Variants in DGKB observed in about 807,000 individuals in gnomAD.
DGKB encodes diacylglycerol kinase beta, also known as 90 kDa diacylglycerol kinase.
DGKB carries 67 observed loss-of-function variants against 114.3 expected under a neutral mutation model. The observed-to-expected ratio is 0.59, with a 90% CI of 0.48 to 0.72. The LOEUF is 0.72. Ranked by LOEUF, DGKB falls within the 30% of genes least tolerant of loss-of-function variation. The pLI is 0.00. For synonymous variants in DGKB, 398 were observed against 323.1 expected (o/e 1.23, Z -2.49); for missense variants, 907 against 975.2 (o/e 0.93, Z 0.93).
At chr7:14,228,944 A>C (rs1056355271) in intron 23 of DGKB, among the ~76,000 whole-genome samples, 10 of 149,848 alleles carry the variant, frequency 6.7e-5, no homozygotes, top group Admixed American at 3.5e-4. Context: ...ATAATGAATT[A>C]AGAATAGCAT....
At chr7:14,521,935 A>G (rs1439884806) in intron 20 of DGKB, among the ~76,000 whole-genome samples, 7 of 151,706 alleles carry the variant, frequency 4.6e-5, no homozygotes, top group Admixed American at 4.6e-4. Flanking sequence ...TTATTTTGTA[A>G]TTTTGCCTGG....
At chr7:14,726,795 C>A (rs1248405226) in intron 5 of DGKB, among the ~76,000 whole-genome samples, 4 of 152,140 alleles carry the variant, frequency 2.6e-5, no homozygotes, top group Admixed American at 1.3e-4. Context: ...GATAGATATA[C>A]AACTAGCCCT....
At chr7:14,538,100 A>C (rs1181891472) in intron 20 of DGKB, among the ~76,000 whole-genome samples, 1 of 150,850 alleles carries the variant, frequency 6.6e-6, no homozygotes, top group East Asian at 1.9e-4. Flanking sequence ...AAAAAAAAAA[A>C]AAAAAAAAAA....
At chr7:14,208,762 C>T (rs983576297) in intron 23 of DGKB, among the ~76,000 whole-genome samples, 1 of 151,928 alleles carries the variant, frequency 6.6e-6, no homozygotes, top group African/African-American at 2.4e-5. Context: ...TAGGTAGCCT[C>T]TGTATCTAGC....
chr7:14,763,825 G>A (rs1007625187), intron 2 of DGKB, among the ~76,000 whole-genome samples: 6 of 152,094 alleles, frequency 3.9e-5, no homozygotes, highest in Admixed American at 2.6e-4. Context: ...TAAATAATGT[G>A]TTTTTAGTGG....
intron 13 of DGKB, among the ~76,000 whole-genome samples, chr7:14,653,666 A>G (rs1447974802): frequency 6.6e-6 from 1 of 152,094 alleles, no homozygotes; most frequent in East Asian, 1.9e-4. Flanking sequence ...TTAAAAAAAA[A>G]AAGATAATTC....
At chr7:14,582,540 A>G (rs946974279) in intron 18 of DGKB, among the ~76,000 whole-genome samples, 3 of 152,138 alleles carry the variant, frequency 2.0e-5, no homozygotes, top group Non-Finnish European at 4.4e-5. Flanking sequence ...CTATCTCTAC[A>G]TGGGATTATT....
intron 13 of DGKB, among the ~76,000 whole-genome samples, chr7:14,660,145 T>C (rs1428228127): frequency 6.6e-6 from 1 of 152,008 alleles, no homozygotes; most frequent in Non-Finnish European, 1.5e-5. Flanking sequence ...CAGTATTTTA[T>C]TGAGGATATT....
At chr7:14,705,423 A>G (rs969329269) in intron 6 of DGKB, among the ~76,000 whole-genome samples, 10 of 151,600 alleles carry the variant, frequency 6.6e-5, no homozygotes, top group Non-Finnish European at 1.0e-4. Context: ...AACTTCCCCA[A>G]TCTAGCAAGG....
intron 17 of DGKB, among the ~76,000 whole-genome samples, chr7:14,598,715 A>G (rs188858371): frequency 7.3e-4 from 111 of 152,304 alleles, no homozygotes; most frequent in Non-Finnish European, 1.4e-3. Flanking sequence ...ATTGCAAAAT[A>G]AAAATCTATT....
At chr7:14,162,292 T>C (rs1460016597) in intron 25 of DGKB, among the ~76,000 whole-genome samples, 2 of 152,220 alleles carry the variant, frequency 1.3e-5, no homozygotes, top group African/African-American at 4.8e-5. Flanking sequence ...ATTCTGATGA[T>C]AACCATCAAC....
chr7:14,300,353 A>T (rs1156843191), intron 23 of DGKB, among the ~76,000 whole-genome samples: 3 of 152,072 alleles, frequency 2.0e-5, no homozygotes, highest in East Asian at 3.9e-4. Flanking sequence ...CAGCCTTGGC[A>T]TCATAAATAC....
intron 13 of DGKB, among the ~76,000 whole-genome samples, chr7:14,646,814 A>T (rs1813123377): frequency 6.6e-6 from 1 of 152,004 alleles, no homozygotes; most frequent in Non-Finnish European, 1.5e-5. Flanking sequence ...TACCTATGGG[A>T]TAGAGCAAAA....
intron 23 of DGKB, among the ~76,000 whole-genome samples, chr7:14,286,239 T>C (rs1800853828): frequency 1.3e-5 from 2 of 152,166 alleles, no homozygotes; most frequent in Non-Finnish European, 2.9e-5. Flanking sequence ...CAGGGCTATG[T>C]CATTTCACTT....
At chr7:14,320,798 T>C (rs74745587) in intron 23 of DGKB, among the ~76,000 whole-genome samples, 1 of 151,940 alleles carries the variant, frequency 6.6e-6, no homozygotes, top group Non-Finnish European at 1.5e-5. Flanking sequence ...GCCTACCAAC[T>C]TTGCCCTTTC....
At chr7:14,716,043 T>C (rs1828127002) in intron 6 of DGKB, among the ~76,000 whole-genome samples, 1 of 152,222 alleles carries the variant, frequency 6.6e-6, no homozygotes, top group Non-Finnish European at 1.5e-5. Context: ...AAAGTATTAC[T>C]TATATAAACA....
At chr7:14,883,951 A>G (rs755732221) in intron 1 of DGKB, among the ~76,000 whole-genome samples, 1 of 152,034 alleles carries the variant, frequency 6.6e-6, no homozygotes, top group Non-Finnish European at 1.5e-5. Flanking sequence ...GTCACTTATC[A>G]CAGTGACAGC....
chr7:14,609,175 T>C (rs1343981824), intron 16 of DGKB, among the ~76,000 whole-genome samples: 1 of 152,018 alleles, frequency 6.6e-6, no homozygotes. Flanking sequence ...AAAAACTGCA[T>C]GGTACTGGTA....
At chr7:14,652,403 G>A (rs1429285128) in intron 13 of DGKB, among the ~76,000 whole-genome samples, 1 of 151,494 alleles carries the variant, frequency 6.6e-6, no homozygotes, top group Non-Finnish European at 1.5e-5. Context: ...ATGGGGAAAG[G>A]ATTCCCTGTT....
Sources: allele counts gnomAD v4.1 joint callset (sites outside exome capture counted in the v4.1 genomes callset), GRCh38; gene constraint gnomAD v4.1.1; transcripts MANE v1.5; gene names NCBI Gene and HGNC (gene_info 2026-07-23, HGNC 2026-07-21).